Variants in PAX5 observed in about 807,000 individuals in gnomAD.
PAX5 encodes paired box protein Pax-5.
Under a neutral mutation model 43.7 loss-of-function variants are expected in PAX5, and 9 were observed. The observed-to-expected ratio is 0.21, with a 90% confidence interval of 0.12 to 0.36. The LOEUF (loss-of-function observed/expected upper bound fraction) is 0.36, where lower values mean the gene tolerates loss of function less well. Among genes scored for constraint, PAX5 ranks in the 10% least tolerant of loss-of-function variants. The probability of loss-of-function intolerance (pLI) is 1.00; values close to 1 mark genes in which losing one functional copy is unlikely to be tolerated. For missense variants in PAX5, 383 were observed against 532.7 expected, an observed-to-expected ratio of 0.72 and a Z score of 2.77; for synonymous variants, 228 against 214.3, an observed-to-expected ratio of 1.06 and a Z score of -0.56.
chr9:36,973,021 C>T lies in PAX5; in HGVS notation c.605-6297G>A, dbSNP rs548749720. On this transcript the variant is annotated intron_variant, in intron 5 of 9. Coordinates refer to ENST00000358127, the MANE Select transcript of PAX5 (RefSeq NM_016734.3). Reference sequence around the variant, plus strand: ...CCAGCCTGGCTGACAGAGCGAGATTCAGTCTCAAAAAAAAAAAGAAGAAAG... The same window carrying T: ...CCAGCCTGGCTGACAGAGCGAGATTTAGTCTCAAAAAAAAAAAGAAGAAAG... Among the ~76,000 whole-genome samples the T allele has an allele frequency of 3.6e-4, 29 of 80,142 alleles. 1 individual carries two copies. In the South Asian group the frequency reaches 0.018, roughly 51 times the overall value. 52.6% of individuals were successfully genotyped at this position (80,142 alleles called of 152,430 possible).
chr9:36,962,385 A>C (rs1834044247), intron 6 of PAX5, among the ~76,000 whole-genome samples: 2 of 152,164 alleles, frequency 1.3e-5, no homozygotes, highest in South Asian at 4.1e-4. Context: ...GCGGTTCAAC[A>C]ATCTTGGAAA....
In PAX5 at chr9:36,900,219, C is replaced by T. The variant is rs1299237246; in HGVS notation, c.911-18114G>A. On this transcript the variant is annotated intron_variant, in intron 7 of 9. Coordinates refer to ENST00000358127, the MANE Select transcript of PAX5 (RefSeq NM_016734.3). Reference sequence around the variant, plus strand: ...TGAGGGTGCAGGCATATTTTTGGGTCCCCCAAGTAGACACGTGCGTGTGAG... The same window carrying T: ...TGAGGGTGCAGGCATATTTTTGGGTTCCCCAAGTAGACACGTGCGTGTGAG... 2.6e-5 allele frequency among the ~76,000 whole-genome samples: 4 copies of T among 152,178 alleles called. No homozygotes were observed. In the South Asian group the frequency reaches 8.3e-4, roughly 32 times the overall value.
intron 9 of PAX5, among the ~76,000 whole-genome samples, chr9:36,842,364 C>T (rs75446451): frequency 0.034 from 5,184 of 152,172 alleles, 307 homozygotes; most frequent in African/African-American, 0.12. Context: ...AGGGTCTGCC[C>T]TACACACGGG....
chr9:37,002,634 C>A lies in PAX5; in HGVS notation c.604+14G>T. On this transcript the variant is annotated intron_variant, in intron 5 of 9. Coordinates refer to ENST00000358127, the MANE Select transcript of PAX5 (RefSeq NM_016734.3). The stretch of plus-strand genomic sequence containing the variant: ...GGAGCGCATCCCCGACGGGGCTGCG[C>A]GGGCCTCTCTTACCTTCGTCTCTCT... The A allele has an allele frequency of 2.5e-6, 4 of 1,606,622 alleles. No homozygotes were observed. Among genetic ancestry groups the A allele is most frequent in the African/African-American group, 1.3e-5 (1 of 74,748 alleles).
intron 6 of PAX5, among the ~76,000 whole-genome samples, chr9:36,923,810 C>A (rs913763964): frequency 6.6e-6 from 1 of 152,230 alleles, no homozygotes; most frequent in African/African-American, 2.4e-5. Flanking sequence ...CTCCTCAGTG[C>A]AGGGATGGAG....
chr9:37,002,635 G>C lies in PAX5; in HGVS notation c.604+13C>G, dbSNP rs372346274. 3 of 1,607,514 alleles carry C rather than the reference G, an allele frequency of 1.9e-6. No individual in the cohort carries two copies. Among genetic ancestry groups the C allele is most frequent in the South Asian group, 1.1e-5 (1 of 90,436 alleles). ...GAGCGCATCCCCGACGGGGCTGCGC[G>C]GGCCTCTCTTACCTTCGTCTCTCTT... On this transcript the variant is annotated intron_variant, in intron 5 of 9. Coordinates refer to ENST00000358127, the MANE Select transcript of PAX5 (RefSeq NM_016734.3).
At chr9:36,856,308 A>G (rs1412490017) in intron 8 of PAX5, among the ~76,000 whole-genome samples, 2 of 152,246 alleles carry the variant, frequency 1.3e-5, no homozygotes, top group Admixed American at 6.5e-5. Context: ...AGCAAGGCAG[A>G]GAAAGGGAAT....
chr9:36,872,824 C>A (rs545198899), intron 8 of PAX5, among the ~76,000 whole-genome samples: 1 of 152,242 alleles, frequency 6.6e-6, no homozygotes, highest in East Asian at 1.9e-4. Context: ...TCTGCCTGGG[C>A]AGAGCCTGCC....
chr9:36,995,276 G>T (rs1837296531), intron 5 of PAX5, among the ~76,000 whole-genome samples: 1 of 152,270 alleles, frequency 6.6e-6, no homozygotes, highest in South Asian at 2.1e-4. Flanking sequence ...AGGGGAGTGG[G>T]CTGGTTCCAG....
At chr9:36,887,631 A>G (rs1250926750) in intron 7 of PAX5, among the ~76,000 whole-genome samples, 1 of 152,234 alleles carries the variant, frequency 6.6e-6, no homozygotes, top group Non-Finnish European at 1.5e-5. Flanking sequence ...ACACACTACA[A>G]AAATTAACTC....
At chr9:37,023,755 A>G (rs1215049825) in intron 1 of PAX5, among the ~76,000 whole-genome samples, 2 of 152,024 alleles carry the variant, frequency 1.3e-5, no homozygotes, top group Admixed American at 1.3e-4. Flanking sequence ...GAGCTCCAGG[A>G]CCCCCACAAG....
intron 5 of PAX5, among the ~76,000 whole-genome samples, chr9:36,979,092 A>G (rs1191671938): frequency 6.6e-6 from 1 of 152,230 alleles, no homozygotes; most frequent in Non-Finnish European, 1.5e-5. Context: ...TTTCGGTGAT[A>G]GTACCATTTC....
chr9:37,014,035 T>C (rs998202228), intron 3 of PAX5, among the ~76,000 whole-genome samples: 3 of 152,168 alleles, frequency 2.0e-5, no homozygotes, highest in African/African-American at 7.2e-5. Context: ...TTTGGAGAAA[T>C]GGAAACTGTC....
intron 5 of PAX5, among the ~76,000 whole-genome samples, chr9:37,002,190 G>A (rs1479347395): frequency 6.6e-6 from 1 of 152,094 alleles, no homozygotes; most frequent in Non-Finnish European, 1.5e-5. Flanking sequence ...ACGTGTGCAG[G>A]GCCTTTCAGA....
At chr9:36,975,409 G>A (rs1347564716) in intron 5 of PAX5, among the ~76,000 whole-genome samples, 4 of 149,768 alleles carry the variant, frequency 2.7e-5, no homozygotes, top group East Asian at 2.0e-4. Context: ...TTTTTGAGAC[G>A]GAGTCTTGCT....
chr9:36,845,988 C>T (rs994844254), intron 9 of PAX5, among the ~76,000 whole-genome samples: 7 of 152,182 alleles, frequency 4.6e-5, no homozygotes, highest in Admixed American at 1.3e-4. Flanking sequence ...TAGCTGACTG[C>T]TGGGGGAGGG....
Position 36,840,269 on chromosome 9 carries a change from T to C in PAX5, c.*291A>G. 1.9e-6 allele frequency: 1 copy of C among 536,198 alleles called. No homozygotes were observed. Among genetic ancestry groups the C allele is most frequent in the Non-Finnish European group, 3.3e-6 (1 of 301,360 alleles). The allele number at this position is 536,198 out of a possible 1,614,324, so 33.2% of individuals were successfully genotyped here. A position where few individuals can be genotyped will look rare whatever the true frequency, so the allele number is the denominator to read the frequency against. ...TCAGACAGCTGGAGGACAGGCAGGC[T>C]GGGCTGGGGCTGCGGTTATTTGCAG... On this transcript the variant is annotated 3_prime_UTR_variant, in exon 10 of 10. Transcript: ENST00000358127.
At chr9:36,891,392 C>T (rs1827363486) in intron 7 of PAX5, among the ~76,000 whole-genome samples, 1 of 152,222 alleles carries the variant, frequency 6.6e-6, no homozygotes, top group South Asian at 2.1e-4. Context: ...TCCTGCTACG[C>T]ACACGTCGGT....
intron 7 of PAX5, among the ~76,000 whole-genome samples, chr9:36,921,142 CA>C (rs1473676371): frequency 6.6e-6 from 1 of 151,948 alleles, no homozygotes; most frequent in Non-Finnish European, 1.5e-5. Context: ...ACTGGGAAAC[CA>C]AAAAATGTGT....
Sources: gnomAD v4.1 joint callset for allele counts (sites outside exome capture counted in the v4.1 genomes callset) on GRCh38, gnomAD v4.1.1 for gene constraint, MANE v1.5 for transcripts, NCBI Gene and HGNC (gene_info 2026-07-23, HGNC 2026-07-21) for gene names.